The following SLITRK2 variants were observed in gnomAD, a reference collection of about 807,000 sequenced individuals.
The protein encoded by SLITRK2 is SLIT and NTRK-like protein 2.
Under a neutral mutation model 35.4 loss-of-function variants are expected in SLITRK2, and 13 were observed. That is an observed-to-expected ratio of 0.37 (90% confidence interval 0.24 to 0.58). SLITRK2 has a LOEUF of 0.58. SLITRK2 is among the 20% of genes least tolerant of loss of function. The pLI is 0.75. For missense variants in SLITRK2, 471 were observed against 634.3 expected (o/e 0.74, Z 2.76); for synonymous variants, 294 against 264.7 (o/e 1.11, Z -1.07).
At position 145,827,875 on chromosome X, in the gene SLITRK2, G is replaced by T. The variant is rs1556946182; in HGVS notation, c.*2912G>T. On this transcript the variant is annotated 3_prime_UTR_variant, in exon 5 of 5. Coordinates refer to ENST00000335565, the MANE Select transcript of SLITRK2 (RefSeq NM_032539.5). ...TTTTTATTTTTATCTTCCACAGCTG[G>T]ATATTGCTATTTCACTTTTATTTCA... is the stretch of plus-strand genomic sequence containing the variant. 5 of 1,211,105 alleles carry T rather than the reference G, an allele frequency of 4.1e-6. No individual in the cohort carries two copies. The Admixed American group carries it at 6.5e-5, about 16-fold the overall frequency.
chrX:145,829,384 G>A lies in SLITRK2; in HGVS notation c.*4421G>A, dbSNP rs1231410964. On this transcript the variant is annotated 3_prime_UTR_variant, in exon 5 of 5. Transcript: ENST00000335565. ...AACAGAGCCCACCTGCATAGTAACT[G>A]TGTTTTGCCAAGGCTGCTTGTGCTA... 5.7e-5 allele frequency: 7 copies of A among 123,429 alleles called. No individual in the cohort carries two copies. Among genetic ancestry groups the A allele is most frequent in the African/African-American group, 2.3e-4 (7 of 30,828 alleles). The allele number at this position is 123,429 out of a possible 1,213,427, so 10.2% of individuals were successfully genotyped here.
At position 145,827,603 on chromosome X, in the gene SLITRK2, T is replaced by C. The variant is rs1042398949; in HGVS notation, c.*2640T>C. ...TATAAACTCTGTTGCCTAATAATTA[T>C]GGTTTAATTCTATATCCTCTTGCTT... On this transcript the variant is annotated 3_prime_UTR_variant, in exon 5 of 5. Transcript: ENST00000335565. 18 of 906,126 alleles carry C rather than the reference T, an allele frequency of 2.0e-5. No homozygotes were observed. In the South Asian group the frequency reaches 4.5e-4, roughly 23 times the overall value. The allele number at this position is 906,126 out of a possible 1,213,427, so 74.7% of individuals were successfully genotyped here.
chrX:145,824,586 A>G lies in SLITRK2; in HGVS notation c.2161A>G (p.Ser721Gly), dbSNP rs1556945040. The change falls in exon 5 of 5, where the codon AGC becomes GGC. Residue 721 changes from serine (S) to glycine (G), a missense_variant. Around this residue, in one of 7 missense-constraint regions of SLITRK2, gnomAD observed 190 missense variants for 199.3 expected, o/e 0.95. Coordinates refer to ENST00000335565, the MANE Select transcript of SLITRK2 (RefSeq NM_032539.5). ...CCGAAACCTGCAAGAGTTCAGCTAT[A>G]GCAACCTGGAGGAGAAAAAAGAAGA... Reference protein sequence around the residue: ...YYRNLQEFSYSNLEEKKEEPA... With the variant: ...YYRNLQEFSYGNLEEKKEEPA... The G allele has an allele frequency of 8.3e-7, 1 of 1,208,371 alleles. No individual in the cohort carries two copies. Among genetic ancestry groups the G allele is most frequent in the African/African-American group, 1.8e-5 (1 of 56,681 alleles).
Position 145,824,755 on chromosome X carries a change from G to T in SLITRK2, c.2330G>T (p.Cys777Phe). ...GCAGGCCTAGTCCACTATAACTTTT[G>T]TACCTTACCTAAAAGGCAGTTTGCC... Reference protein sequence around the residue: ...PSAGLVHYNFCTLPKRQFAPS... With the variant: ...PSAGLVHYNFFTLPKRQFAPS... Residue 777 changes from cysteine to phenylalanine, a missense_variant, in exon 5 of 5, where the codon TGT (cysteine) becomes TTT (phenylalanine). Physicochemically the swap from Cys to Phe is radical, Grantham distance 205. Coordinates refer to ENST00000335565, the MANE Select transcript of SLITRK2 (RefSeq NM_032539.5). The T allele has an allele frequency of 8.3e-7, 1 of 1,211,213 alleles. No homozygotes were observed. Among genetic ancestry groups the T allele is most frequent in the Non-Finnish European group, 1.1e-6 (1 of 895,402 alleles).
chrX:145,821,578 C>G lies in SLITRK2; in HGVS notation c.-499C>G. 9.0e-6 allele frequency: 1 copy of G among 110,813 alleles called. No homozygotes were observed. 9.1% of individuals were successfully genotyped at this position (110,813 alleles called of 1,213,427 possible). On this transcript the variant is annotated 5_prime_UTR_variant, in exon 3 of 5. Transcript: ENST00000335565. ...TGCCACCGCCACCGAATTGGAAACG[C>G]GCGCCCAGGCTCCGTCGTCGCCTTC...
At chrX:145,819,167 T>A (rs1556942432) in intron 1 of SLITRK2, 1 of 111,944 alleles carries the variant, frequency 8.9e-6, no homozygotes, top group Non-Finnish European at 1.9e-5. Context: ...TTCGCAAAAA[T>A]AATCTGTCCT....
rs2124192302 is a variant in SLITRK2, at chrX:145,824,091, G to A, written c.1666G>A (p.Val556Met). ...HANSPVIINEVTCESPAKHAG... is the reference protein window; with the variant it reads ...HANSPVIINEMTCESPAKHAG... ...CAATTCCCCTGTCATCATTAATGAG[G>A]TGACTTGCGAATCTCCTGCTAAGCA... Residue 556 changes from valine (V) to methionine (M), a missense_variant, in exon 5 of 5, where the codon GTG becomes ATG. Physicochemically the swap from Val to Met is conservative, Grantham distance 21. Around this residue, in one of 7 missense-constraint regions of SLITRK2, gnomAD observed 92 missense variants for 184.2 expected, o/e 0.50. Coordinates refer to ENST00000335565, the MANE Select transcript of SLITRK2 (RefSeq NM_032539.5). 1 of 1,211,215 alleles carries A rather than the reference G, an allele frequency of 8.3e-7. No individual in the cohort carries two copies. Among genetic ancestry groups the A allele is most frequent in the Non-Finnish European group, 1.1e-6 (1 of 895,376 alleles).
Position 145,826,430 on chromosome X carries a change from T to C in SLITRK2, c.*1467T>C, listed in dbSNP as rs2073127882. The stretch of plus-strand genomic sequence containing the variant: ...TCTGCCTTCTTTAGGCTTGTGTTAC[T>C]TGAAGTTTTCCTTGTCAGCTTGAGC... On this transcript the variant is annotated 3_prime_UTR_variant, in exon 5 of 5. Transcript: ENST00000335565. The C allele has an allele frequency of 1.8e-5, 2 of 112,278 alleles. No homozygotes were observed. Among genetic ancestry groups the C allele is most frequent in the South Asian group, 7.4e-4 (2 of 2,706 alleles). 9.3% of individuals were successfully genotyped at this position (112,278 alleles called of 1,213,427 possible).
rs782785764 is a variant in SLITRK2 at position 145,823,735 on chromosome X, T to A, written c.1310T>A (p.Val437Glu). 2 of 1,211,821 alleles carry A rather than the reference T, an allele frequency of 1.7e-6. No individual in the cohort carries two copies. The highest frequency in any genetic ancestry group is 1.1e-6 in the Non-Finnish European group (1 of 895,453). ...TATCTGAATGGCAATTACCTTGAAG[T>A]GCTGTACCCTTCTATGTTTGATGGA... The part of the protein sequence containing the change: ...RLYLNGNYLE[V>E]LYPSMFDGLQ... The change falls in exon 5 of 5, where the codon GTG becomes GAG. Residue 437 changes from valine (V) to glutamate (E), a missense_variant. Physicochemically the swap from Val to Glu is moderately radical, Grantham distance 121. This residue lies in a region of SLITRK2 where 92 missense variants were observed against 184.2 expected (regional missense o/e 0.50). Transcript: ENST00000335565.
rs2073095391 is a variant in SLITRK2 at position 145,824,796 on chromosome X, C to T, written c.2371C>T (p.Arg791Ter). ...GCAGTTTGCCCCTTCCTATGAATCT[C>T]GACGCCAAAACCAAGACAGAATCAA... ...KRQFAPSYES[R>*]RQNQDRINKT... The change falls in exon 5 of 5, where the codon CGA becomes TGA. Residue 791 changes from arginine to a stop codon, truncating the protein, a stop_gained. Transcript: ENST00000335565. LOFTEE classifies it high-confidence loss of function. 8.3e-7 allele frequency: 1 copy of T among 1,211,329 alleles called. No homozygotes were observed.
chrX:145,826,909 A>G lies in SLITRK2; in HGVS notation c.*1946A>G, dbSNP rs2073132414. The G allele has an allele frequency of 8.9e-6, 1 of 112,277 alleles. No individual in the cohort carries two copies. Among genetic ancestry groups the G allele is most frequent in the Non-Finnish European group, 1.9e-5 (1 of 53,208 alleles). The allele number at this position is 112,277 out of a possible 1,213,427, so 9.3% of individuals were successfully genotyped here. Reference sequence around the variant, plus strand: ...TAAATCCAAATTATTTGGATTAATGATTACTGGTGTAAAATAGTTGTTTGT... The same window carrying G: ...TAAATCCAAATTATTTGGATTAATGGTTACTGGTGTAAAATAGTTGTTTGT... On this transcript the variant is annotated 3_prime_UTR_variant, in exon 5 of 5. Transcript: ENST00000335565.
rs782689169 is a variant in SLITRK2 at position 145,827,013 on chromosome X, T to C, written c.*2050T>C. 8.9e-6 allele frequency: 1 copy of C among 111,864 alleles called. No individual in the cohort carries two copies. Among genetic ancestry groups the C allele is most frequent in the Non-Finnish European group, 1.9e-5 (1 of 53,091 alleles). The allele number at this position is 111,864 out of a possible 1,213,427, so 9.2% of individuals were successfully genotyped here. On this transcript the variant is annotated 3_prime_UTR_variant, in exon 5 of 5. Coordinates refer to ENST00000335565, the MANE Select transcript of SLITRK2 (RefSeq NM_032539.5). Reference sequence around the variant, plus strand: ...GAAACATATCTTTAACAACATAAAATCTCTGAATATCTACAGTGGCAAGCT... The same window carrying C: ...GAAACATATCTTTAACAACATAAAACCTCTGAATATCTACAGTGGCAAGCT...
Position 145,823,739 on chromosome X carries a change from G to A in SLITRK2, c.1314G>A (p.Leu438=), listed in dbSNP as rs2073067840. The A allele has an allele frequency of 3.3e-6, 4 of 1,211,555 alleles. No individual in the cohort carries two copies. The highest frequency in any genetic ancestry group is 2.3e-4 in the Middle Eastern group (1 of 4,354). Residue 438 remains leucine, a synonymous_variant, in exon 5 of 5, where the codon CTG becomes CTA. Coordinates refer to ENST00000335565, the MANE Select transcript of SLITRK2 (RefSeq NM_032539.5). ...TGAATGGCAATTACCTTGAAGTGCT[G>A]TACCCTTCTATGTTTGATGGACTGC... ...LYLNGNYLEV[L]YPSMFDGLQS...
chrX:145,827,837 T>C lies in SLITRK2; in HGVS notation c.*2874T>C. ...ATCTGCTCAAGCACTTTCGACCATA[T>C]TTTATTTTAGGATTTTTATTTTTAT... On this transcript the variant is annotated 3_prime_UTR_variant, in exon 5 of 5. Coordinates refer to ENST00000335565, the MANE Select transcript of SLITRK2 (RefSeq NM_032539.5). 2.5e-6 allele frequency: 3 copies of C among 1,211,859 alleles called. No individual in the cohort carries two copies. The highest frequency in any genetic ancestry group is 3.4e-6 in the Non-Finnish European group (3 of 895,510).
chrX:145,822,758 T>G lies in SLITRK2; in HGVS notation c.333T>G (p.Thr111=). 8.3e-7 allele frequency: 1 copy of G among 1,210,920 alleles called. No individual in the cohort carries two copies. Among genetic ancestry groups the G allele is most frequent in the South Asian group, 1.8e-5 (1 of 56,871 alleles). ...IRTGAFSGLK[T]LKRLHLNNNK... The stretch of plus-strand genomic sequence containing the variant: ...CGGGGGCATTCAGTGGCCTGAAAAC[T>G]CTCAAAAGACTGCATCTCAACAACA... The change falls in exon 5 of 5, where the codon ACT becomes ACG. Residue 111 remains threonine, a synonymous_variant. Coordinates refer to ENST00000335565, the MANE Select transcript of SLITRK2 (RefSeq NM_032539.5).
At position 145,825,601 on chromosome X, in the gene SLITRK2, T is replaced by C; in HGVS notation, c.*638T>C. ...TGTATTTTTGAAATTGAAAACACTG[T>C]AAAATAGATTGATGTGTCAGCTATA... On this transcript the variant is annotated 3_prime_UTR_variant, in exon 5 of 5. Transcript: ENST00000335565. 1 of 123,830 alleles carries C rather than the reference T, an allele frequency of 8.1e-6. No homozygotes were observed. Among genetic ancestry groups the C allele is most frequent in the East Asian group, 2.8e-4 (1 of 3,594 alleles). 10.2% of individuals were successfully genotyped at this position (123,830 alleles called of 1,213,427 possible).
chrX:145,822,776 C>T lies in SLITRK2; in HGVS notation c.351C>T (p.Leu117=), dbSNP rs2124155968. ...SGLKTLKRLH[L]NNNKLEILRE... is the part of the protein sequence containing the mutation. ...TGAAAACTCTCAAAAGACTGCATCTCAACAACAACAAGCTTGAGATATTGA... is the reference window on the plus strand; with the variant it reads ...TGAAAACTCTCAAAAGACTGCATCTTAACAACAACAAGCTTGAGATATTGA... The change falls in exon 5 of 5, where the codon CTC becomes CTT. Residue 117 remains leucine, a synonymous_variant. Transcript: ENST00000335565. 2 of 1,210,814 alleles carry T rather than the reference C, an allele frequency of 1.7e-6. No individual in the cohort carries two copies. Among genetic ancestry groups the T allele is most frequent in the East Asian group, 5.9e-5 (2 of 33,780 alleles).
rs1191251854 is a variant in SLITRK2, at chrX:145,827,658, T to G, written c.*2695T>G. 1.9e-6 allele frequency: 2 copies of G among 1,058,066 alleles called. No homozygotes were observed. Among genetic ancestry groups the G allele is most frequent in the Non-Finnish European group, 2.5e-6 (2 of 795,233 alleles). 87.2% of individuals were successfully genotyped at this position (1,058,066 alleles called of 1,213,427 possible). A position where few individuals can be genotyped will look rare whatever the true frequency, so the allele number is the denominator to read the frequency against. ...CAGTTATACTTAATTTGCAGTAGAT[T>G]TTTAAATGAAATTATTTGAATGTAT... is the stretch of plus-strand genomic sequence containing the variant. On this transcript the variant is annotated 3_prime_UTR_variant, in exon 5 of 5. Coordinates refer to ENST00000335565, the MANE Select transcript of SLITRK2 (RefSeq NM_032539.5).
At position 145,821,577 on chromosome X, in the gene SLITRK2, G is replaced by C. The variant is rs944395081; in HGVS notation, c.-500G>C. On this transcript the variant is annotated 5_prime_UTR_variant, in exon 3 of 5. Transcript: ENST00000335565. Reference sequence around the variant, plus strand: ...CTGCCACCGCCACCGAATTGGAAACGCGCGCCCAGGCTCCGTCGTCGCCTT... The same window carrying C: ...CTGCCACCGCCACCGAATTGGAAACCCGCGCCCAGGCTCCGTCGTCGCCTT... 9.1e-6 allele frequency: 1 copy of C among 110,466 alleles called. No individual in the cohort carries two copies. The highest frequency in any genetic ancestry group is 1.9e-5 in the Non-Finnish European group (1 of 52,894). The allele number at this position is 110,466 out of a possible 1,213,427, so 9.1% of individuals were successfully genotyped here.
Sources: allele counts gnomAD v4.1 joint callset, GRCh38; gene constraint gnomAD v4.1.1; regional missense constraint gnomAD v4.1.1; transcripts MANE v1.5; gene names NCBI Gene and HGNC (gene_info 2026-07-23, HGNC 2026-07-21).